Variants in RAI1 observed in about 807,000 individuals in gnomAD.
RAI1 encodes the protein retinoic acid induced 1, also known as retinoic acid-induced protein 1.
In RAI1, 9 loss-of-function variants were observed where a neutral mutation model predicts 123.8. The observed-to-expected ratio is 0.07, with a 90% CI of 0.04 to 0.13. RAI1 has a LOEUF of 0.13. Ranked by LOEUF, RAI1 falls within the 10% of genes least tolerant of loss-of-function variation. The probability of loss-of-function intolerance (pLI) is 1.00; values close to 1 mark genes in which losing one functional copy is unlikely to be tolerated. For synonymous variants in RAI1, 1,231 were observed against 1,127.3 expected (o/e 1.09, Z -1.84); for missense variants, 2,256 against 2,545.8 (o/e 0.89, Z 2.45).
intron 2 of RAI1, among the ~76,000 whole-genome samples, chr17:17,733,370 C>T (rs142991094): frequency 6.6e-6 from 1 of 152,328 alleles, no homozygotes; most frequent in Non-Finnish European, 1.5e-5. Flanking sequence ...TGAAAGGATG[C>T]AGAATGCTTG....
chr17:17,753,807 T>C (rs1210662818), intron 2 of RAI1, among the ~76,000 whole-genome samples: 2 of 152,248 alleles, frequency 1.3e-5, no homozygotes, highest in Non-Finnish European at 1.5e-5. Flanking sequence ...CTCCAGGCTC[T>C]AGAAAGTCTA....
At chr17:17,722,399 T>C (rs887899666) in intron 1 of RAI1, among the ~76,000 whole-genome samples, 3 of 152,182 alleles carry the variant, frequency 2.0e-5, no homozygotes, top group African/African-American at 4.8e-5. Flanking sequence ...ACCGTGGCCC[T>C]GCCCTGTGGC....
chr17:17,709,482 A>G (rs1412234063), intron 1 of RAI1, among the ~76,000 whole-genome samples: 1 of 152,036 alleles, frequency 6.6e-6, no homozygotes, highest in East Asian at 1.9e-4. Context: ...TGCTGGGTTG[A>G]CCACAGTCAG....
chr17:17,789,353 AG>A (rs1306922471), intron 2 of RAI1, among the ~76,000 whole-genome samples: 1 of 152,234 alleles, frequency 6.6e-6, no homozygotes, highest in Non-Finnish European at 1.5e-5. Flanking sequence ...CGCACAGAGT[AG>A]GTGTTCTGCA....
chr17:17,760,915 C>T (rs759813224), intron 2 of RAI1, among the ~76,000 whole-genome samples: 1 of 152,182 alleles, frequency 6.6e-6, no homozygotes, highest in Non-Finnish European at 1.5e-5. Flanking sequence ...AGGTGATGGG[C>T]GTAGAGGGCT....
chr17:17,697,801 G>C lies in RAI1; in HGVS notation c.-149+16008G>C, dbSNP rs535461487. Among the ~76,000 whole-genome samples the C allele has an allele frequency of 5.9e-5, 9 of 152,290 alleles. No individual in the cohort carries two copies. The South Asian group carries it at 1.4e-3, about 25-fold the overall frequency. On this transcript the variant is annotated intron_variant, in intron 1 of 5. Transcript: ENST00000353383. ...TCTGATTTGGGGAAATGAGCTGAGGGTATGGGTGCTTACACACCAGGCAGT... is the reference window on the plus strand; with the variant it reads ...TCTGATTTGGGGAAATGAGCTGAGGCTATGGGTGCTTACACACCAGGCAGT...
intron 2 of RAI1, among the ~76,000 whole-genome samples, chr17:17,739,905 C>T (rs9303143): frequency 0.033 from 4,997 of 152,274 alleles, 273 homozygotes; most frequent in African/African-American, 0.11. Context: ...TGGAGGGCAG[C>T]GGTGCTCGGC....
chr17:17,737,020 A>G (rs761641620), intron 2 of RAI1, among the ~76,000 whole-genome samples: 3 of 152,146 alleles, frequency 2.0e-5, no homozygotes, highest in Non-Finnish European at 4.4e-5. Context: ...GACCACTGGC[A>G]TTTCTGGAGA....
chr17:17,781,007 AACCT>A (rs2031557638), intron 2 of RAI1, among the ~76,000 whole-genome samples: 2 of 152,080 alleles, frequency 1.3e-5, no homozygotes, highest in Admixed American at 6.5e-5. Flanking sequence ...AGGAGCTAGG[AACCT>A]GCCAGGCTTC....
intron 2 of RAI1, among the ~76,000 whole-genome samples, chr17:17,732,181 C>G (rs1170382753): frequency 6.6e-6 from 1 of 152,130 alleles, no homozygotes; most frequent in Non-Finnish European, 1.5e-5. Flanking sequence ...AAAGGTCTGG[C>G]AACTGTGGTT....
At chr17:17,780,926 C>T (rs1383384331) in intron 2 of RAI1, among the ~76,000 whole-genome samples, 1 of 152,162 alleles carries the variant, frequency 6.6e-6, no homozygotes, top group Non-Finnish European at 1.5e-5. Flanking sequence ...AGGAGTGTCC[C>T]GGGCCCAGCA....
intron 1 of RAI1, among the ~76,000 whole-genome samples, chr17:17,718,052 G>A (rs549719366): frequency 1.1e-4 from 17 of 152,278 alleles, no homozygotes; most frequent in African/African-American, 3.9e-4. Context: ...GGCAGAAGAC[G>A]CCTCGGTCTT....
rs1275431910 is a variant in RAI1 at position 17,798,462 on chromosome 17, G to A, written c.5514G>A (p.Val1838=). ...TGTGGACCGGCGGCGTCTACCTGGT[G>A]GCCGGGAAGCTCTTTGGGCTGCAGG... The part of the protein sequence containing the change: ...CAVWTGGVYL[V]AGKLFGLQEA... Residue 1838 remains valine, a synonymous_variant, in exon 3 of 6, where the codon GTG becomes GTA. Transcript: ENST00000353383. 1 of 1,606,662 alleles carries A rather than the reference G, an allele frequency of 6.2e-7. No homozygotes were observed. Among genetic ancestry groups the A allele is most frequent in the Non-Finnish European group, 8.5e-7 (1 of 1,179,874 alleles).
At chr17:17,684,807 C>T (rs1346147246) in intron 1 of RAI1, 1 of 151,234 alleles carries the variant, frequency 6.6e-6, no homozygotes, top group East Asian at 1.9e-4. Context: ...CTTCCTTTTT[C>T]CTCTCCGTTT....
intron 1 of RAI1, among the ~76,000 whole-genome samples, chr17:17,711,130 G>C (rs1187350663): frequency 6.6e-6 from 1 of 152,244 alleles, no homozygotes; most frequent in Non-Finnish European, 1.5e-5. Context: ...GGGAGGCGGG[G>C]CTGAGCCTTG....
In RAI1 at chr17:17,801,998, C is replaced by T. The variant is rs769373774; in HGVS notation, c.5566-1758C>T. On this transcript the variant is annotated intron_variant, in intron 3 of 5. Transcript: ENST00000353383. The surrounding 1 kb of genome is among the most constrained non-coding windows in gnomAD (Gnocchi z 4.1). ...GGCTTCGCACTTGGGCAGAGGCCGC[C>T]GCCCTCTCTGCTGCCTTCTCTACCT... is the stretch of plus-strand genomic sequence containing the variant. 3.5e-5 allele frequency: 16 copies of T among 463,050 alleles called. No individual in the cohort carries two copies. The highest frequency in any genetic ancestry group is 6.2e-5 in the South Asian group (4 of 64,026). The allele number at this position is 463,050 out of a possible 1,614,324, so 28.7% of individuals were successfully genotyped here.
At chr17:17,706,642 G>A (rs565575011) in intron 1 of RAI1, among the ~76,000 whole-genome samples, 5 of 152,290 alleles carry the variant, frequency 3.3e-5, no homozygotes, top group South Asian at 2.1e-4. Context: ...TGGGGCACCC[G>A]AGCGGCATCC....
At chr17:17,777,139 T>C (rs969765489) in intron 2 of RAI1, 3 of 152,174 alleles carry the variant, frequency 2.0e-5, no homozygotes, top group East Asian at 1.9e-4. Flanking sequence ...GCAAAGGACA[T>C]TGCAGTTGGT....
chr17:17,692,966 G>A (rs1043185175), intron 1 of RAI1, among the ~76,000 whole-genome samples: 1 of 152,228 alleles, frequency 6.6e-6, no homozygotes, highest in Non-Finnish European at 1.5e-5. Flanking sequence ...AAAGGGGAGA[G>A]AGGGCAGACT....
Sources: allele counts gnomAD v4.1 joint callset (sites outside exome capture counted in the v4.1 genomes callset), GRCh38; gene constraint gnomAD v4.1.1; non-coding constraint Gnocchi (gnomAD v3.1); transcripts MANE v1.5; gene names NCBI Gene and HGNC (gene_info 2026-07-23, HGNC 2026-07-21).